The following MALRD1 variants were observed in gnomAD, a reference collection of about 807,000 sequenced individuals.
MALRD1 encodes the protein MAM and LDL receptor class A domain containing 1.
MALRD1 carries 247 observed loss-of-function variants against 242.1 expected under a neutral mutation model. The observed-to-expected ratio is 1.02, with a 90% CI of 0.92 to 1.13. MALRD1 has a LOEUF of 1.13. MALRD1 is among the 50% of genes most tolerant of loss of function. MALRD1 has a pLI of 0.00. For synonymous variants in MALRD1, 995 were observed against 866.6 expected, an observed-to-expected ratio of 1.15 and a Z score of -2.60; for missense variants, 2,989 against 2,533.1, an observed-to-expected ratio of 1.18 and a Z score of -3.86.
chr10:19,088,563 GTTTT>G (rs200967295), intron 4 of MALRD1, among the ~76,000 whole-genome samples: 4 of 76,866 alleles, frequency 5.2e-5, no homozygotes, highest in Admixed American at 1.4e-4. Context: ...ATTTTATAAA[GTTTT>G]TTTTTATTTA....
At chr10:19,420,997 C>A (rs1317282956) in intron 28 of MALRD1, among the ~76,000 whole-genome samples, 1 of 152,160 alleles carries the variant, frequency 6.6e-6, no homozygotes, top group Non-Finnish European at 1.5e-5. Flanking sequence ...CTTACACTTG[C>A]AAAATGACTC....
intron 25 of MALRD1, among the ~76,000 whole-genome samples, chr10:19,349,986 G>A (rs1302387876): frequency 6.6e-6 from 1 of 152,014 alleles, no homozygotes; most frequent in African/African-American, 2.4e-5. Flanking sequence ...AATTAATGAT[G>A]AATGGTTCAT....
chr10:19,694,717 A>G (rs1458423629), intron 38 of MALRD1, among the ~76,000 whole-genome samples: 1 of 152,246 alleles, frequency 6.6e-6, no homozygotes, highest in African/African-American at 2.4e-5. Flanking sequence ...GCCATCCATT[A>G]CTGGGTATAT....
At chr10:19,191,114 C>A (rs907197864) in intron 14 of MALRD1, among the ~76,000 whole-genome samples, 14 of 151,852 alleles carry the variant, frequency 9.2e-5, no homozygotes, top group Non-Finnish European at 1.5e-5. Flanking sequence ...AATAATAAAC[C>A]AACAGCTCAA....
chr10:19,115,985 T>C (rs997365019), intron 5 of MALRD1, among the ~76,000 whole-genome samples: 1 of 152,250 alleles, frequency 6.6e-6, no homozygotes, highest in Non-Finnish European at 1.5e-5. Flanking sequence ...ACAATAAAAC[T>C]AATTTTTAAT....
At chr10:19,573,556 A>C (rs548576908) in intron 33 of MALRD1, among the ~76,000 whole-genome samples, 3 of 152,106 alleles carry the variant, frequency 2.0e-5, no homozygotes, top group African/African-American at 7.2e-5. Context: ...ACAATCATTA[A>C]ACTTTTCCCA....
intron 36 of MALRD1, among the ~76,000 whole-genome samples, chr10:19,646,778 C>G (rs1470532098): frequency 2.6e-5 from 4 of 151,968 alleles, no homozygotes; most frequent in Non-Finnish European, 5.9e-5. Flanking sequence ...AATGATAATC[C>G]TCATTTTTAT....
chr10:19,204,215 T>C (rs10827051), intron 15 of MALRD1, 93 bp from the exon 16 acceptor site: 268,486 of 798,040 alleles, frequency 0.34, 49,730 homozygotes, highest in South Asian at 0.64. Flanking sequence ...AGTTAGACAA[T>C]GATCTTGCTC....
At chr10:19,292,140 A>G (rs999115654) in intron 21 of MALRD1, among the ~76,000 whole-genome samples, 3 of 151,772 alleles carry the variant, frequency 2.0e-5, no homozygotes, top group East Asian at 1.9e-4. Flanking sequence ...TTATAATTGT[A>G]AAATAGTTTT....
chr10:19,445,954 AG>A (rs1271668649), intron 28 of MALRD1, among the ~76,000 whole-genome samples: 1 of 152,022 alleles, frequency 6.6e-6, no homozygotes, highest in African/African-American at 2.4e-5. Context: ...ACCCAGATTG[AG>A]CTTCCTGGTC....
intron 18 of MALRD1, among the ~76,000 whole-genome samples, chr10:19,222,946 T>A (rs1004162165): frequency 6.6e-6 from 1 of 152,180 alleles, no homozygotes; most frequent in African/African-American, 2.4e-5. Flanking sequence ...CTTCAAACTT[T>A]TTCCCATTCA....
intron 22 of MALRD1, among the ~76,000 whole-genome samples, chr10:19,325,112 T>C (rs1254519352): frequency 1.3e-5 from 2 of 150,792 alleles, no homozygotes; most frequent in East Asian, 3.9e-4. Context: ...TTGATTCATG[T>C]TGGAAAAAAA....
At chr10:19,654,199 T>C (rs1322917434) in intron 36 of MALRD1, among the ~76,000 whole-genome samples, 1 of 151,404 alleles carries the variant, frequency 6.6e-6, no homozygotes, top group African/African-American at 2.4e-5. Context: ...TCCCCTAGCA[T>C]CCTCCATCCA....
chr10:19,526,831 A>C (rs921651915), intron 31 of MALRD1, among the ~76,000 whole-genome samples: 1 of 152,166 alleles, frequency 6.6e-6, no homozygotes, highest in Non-Finnish European at 1.5e-5. Flanking sequence ...CTAAAATGCA[A>C]ACATTAGATT....
intron 4 of MALRD1, among the ~76,000 whole-genome samples, chr10:19,095,033 A>T (rs1161460193): frequency 6.6e-6 from 1 of 152,150 alleles, no homozygotes; most frequent in Non-Finnish European, 1.5e-5. Flanking sequence ...AATTTAACCC[A>T]AGTTGGTTTT....
intron 38 of MALRD1, among the ~76,000 whole-genome samples, chr10:19,719,170 A>G (rs549850717): frequency 3.3e-4 from 27 of 81,520 alleles, no homozygotes; most frequent in Non-Finnish European, 5.5e-4. Flanking sequence ...ATATATATAT[A>G]CATACATATA....
chr10:19,667,700 G>A (rs1309572225), intron 36 of MALRD1, among the ~76,000 whole-genome samples: 1 of 152,040 alleles, frequency 6.6e-6, no homozygotes, highest in Non-Finnish European at 1.5e-5. Flanking sequence ...AAAGCTCCCT[G>A]AGGCTTCACC....
intron 29 of MALRD1, among the ~76,000 whole-genome samples, chr10:19,465,540 AT>A (rs1409121819): frequency 2.0e-5 from 3 of 151,740 alleles, no homozygotes; most frequent in African/African-American, 4.8e-5. Flanking sequence ...TTTTTAAAAA[AT>A]TTTTTTTGAG....
At chr10:19,604,031 A>G (rs1249023113) in intron 34 of MALRD1, among the ~76,000 whole-genome samples, 2 of 152,178 alleles carry the variant, frequency 1.3e-5, no homozygotes, top group Admixed American at 6.6e-5. Flanking sequence ...AAAGGAGGAA[A>G]TGCAGATCTC....
Sources: gnomAD v4.1 joint callset for allele counts (sites outside exome capture counted in the v4.1 genomes callset) on GRCh38, gnomAD v4.1.1 for gene constraint, MANE v1.5 for transcripts, NCBI Gene and HGNC (gene_info 2026-07-23, HGNC 2026-07-21) for gene names.